PARD3B: variants seen among roughly 807,000 people sequenced by gnomAD.
PARD3B encodes the protein par-3 family cell polarity regulator beta.
PARD3B carries 103 observed loss-of-function variants against 130.2 expected under a neutral mutation model. The ratio of observed to expected loss-of-function variants is 0.79; its 90% CI spans 0.67 to 0.93. The LOEUF is 0.93. PARD3B is among the 40% of genes least tolerant of loss of function. PARD3B has a pLI of 0.00. For missense variants in PARD3B, 1,609 were observed against 1,499.2 expected (o/e 1.07, Z -1.21); for synonymous variants, 583 against 553.2 (o/e 1.05, Z -0.76).
rs2036515494 is a variant in PARD3B at position 204,675,956 on chromosome 2, CCTTT to C, written c.121-10224_121-10221del. Among the ~76,000 whole-genome samples the C allele has an allele frequency of 6.6e-6, 1 of 151,518 alleles. No homozygotes were observed. Among genetic ancestry groups the C allele is most frequent in the Non-Finnish European group, 1.5e-5 (1 of 67,984 alleles). On this transcript the variant is annotated intron_variant, in intron 1 of 22. Transcript: ENST00000406610. This position sits in a 1 kb window ranked among gnomAD's most constrained non-coding sequence, Gnocchi z 4.4. Reference sequence around the variant, plus strand: ...TATTAATACCTTTTCTATGGCTTAACCTTTGTTAAGCCATACTGGTTTATACATA... The same window carrying C: ...TATTAATACCTTTTCTATGGCTTAACGTTAAGCCATACTGGTTTATACATA...
intron 20 of PARD3B, among the ~76,000 whole-genome samples, chr2:205,462,666 C>T (rs192828067): frequency 1.2e-4 from 19 of 152,206 alleles, no homozygotes; most frequent in South Asian, 8.3e-4. Context: ...ACATGATTTT[C>T]GTTGTGATTT....
chr2:204,999,776 T>A (rs989724893), intron 3 of PARD3B, among the ~76,000 whole-genome samples: 1 of 152,222 alleles, frequency 6.6e-6, no homozygotes, highest in Non-Finnish European at 1.5e-5. Context: ...TTTACTTCAG[T>A]GAATTCAATC....
At chr2:204,965,434 G>T in intron 3 of PARD3B, 111 bp downstream of exon 3, 1 of 1,164,180 alleles carries the variant, frequency 8.6e-7, no homozygotes, top group Non-Finnish European at 1.2e-6. Flanking sequence ...TTTATATCGT[G>T]GTTTATCTTT....
chr2:204,842,983 T>C (rs1041657742), intron 2 of PARD3B, among the ~76,000 whole-genome samples: 1 of 152,086 alleles, frequency 6.6e-6, no homozygotes, highest in Non-Finnish European at 1.5e-5. Context: ...GTTCTCAAAC[T>C]CCAGGGTTAA....
Position 204,671,940 on chromosome 2 carries a change from C to G in PARD3B, c.121-14241C>G, listed in dbSNP as rs186673398. Among the ~76,000 whole-genome samples, 12 of 152,180 alleles carry G rather than the reference C, an allele frequency of 7.9e-5. No individual in the cohort carries two copies. The South Asian group carries it at 2.5e-3, about 32-fold the overall frequency. ...TAATATAATCGTCGGAAAACTTTTCCTCAACATTTTGATTATTTTTCTATA... is the reference window on the plus strand; with the variant it reads ...TAATATAATCGTCGGAAAACTTTTCGTCAACATTTTGATTATTTTTCTATA... On this transcript the variant is annotated intron_variant, in intron 1 of 22. Transcript: ENST00000406610.
In PARD3B at chr2:205,172,282, C is replaced by G. The variant is rs751907573; in HGVS notation, c.1692C>G (p.His564Gln). Residue 564 changes from histidine to glutamine, a missense_variant, in exon 12 of 23, where the codon CAC becomes CAG. By Grantham distance (24) the His-to-Gln change is conservative. Coordinates refer to ENST00000406610, the MANE Select transcript of PARD3B (RefSeq NM_001302769.2). ...NGESLLGKSNHEAMETLRRSM... is the reference protein window; with the variant it reads ...NGESLLGKSNQEAMETLRRSM... ...AATCTCTTTTGGGAAAGTCCAACCACGAAGCTATGGAAACACTTAGGCGGT... is the reference window on the plus strand; with the variant it reads ...AATCTCTTTTGGGAAAGTCCAACCAGGAAGCTATGGAAACACTTAGGCGGT... The G allele has an allele frequency of 2.5e-6, 4 of 1,613,908 alleles. No individual in the cohort carries two copies. The highest frequency in any genetic ancestry group is 2.2e-5 in the East Asian group (1 of 44,870).
intron 20 of PARD3B, among the ~76,000 whole-genome samples, chr2:205,490,449 T>C (rs1483540381): frequency 1.3e-5 from 2 of 152,198 alleles, no homozygotes; most frequent in African/African-American, 4.8e-5. Context: ...GAATTCATCA[T>C]TTTTTATGGC....
chr2:204,988,423 A>G (rs146331799), intron 3 of PARD3B, among the ~76,000 whole-genome samples: 130 of 152,318 alleles, frequency 8.5e-4, no homozygotes, highest in African/African-American at 3.1e-3. Flanking sequence ...TAGAATGACT[A>G]TGACACACAA....
intron 1 of PARD3B, among the ~76,000 whole-genome samples, chr2:204,651,144 C>A (rs1017432724): frequency 2.6e-5 from 4 of 152,182 alleles, no homozygotes; most frequent in African/African-American, 9.7e-5. Context: ...AAAACACAAT[C>A]ATGCCTTCCC....
At chr2:205,083,389 T>C (rs1701551081) in intron 4 of PARD3B, among the ~76,000 whole-genome samples, 1 of 151,832 alleles carries the variant, frequency 6.6e-6, no homozygotes, top group South Asian at 2.1e-4. Flanking sequence ...CATCTAGTCT[T>C]AAACTAAGTA....
intron 2 of PARD3B, among the ~76,000 whole-genome samples, chr2:204,693,277 G>T (rs1395348306): frequency 2.6e-5 from 4 of 151,894 alleles, no homozygotes; most frequent in African/African-American, 9.7e-5. Context: ...TCAGGCCAAG[G>T]TTACTGTAAT....
At chr2:205,431,595 G>T (rs186513475) in intron 19 of PARD3B, among the ~76,000 whole-genome samples, 299 of 151,330 alleles carry the variant, frequency 2.0e-3, no homozygotes, top group African/African-American at 6.8e-3. Flanking sequence ...TCAGCCTCCC[G>T]AGTAGCTGGG....
chr2:205,567,907 G>C (rs1190678919), intron 22 of PARD3B, among the ~76,000 whole-genome samples: 1 of 152,184 alleles, frequency 6.6e-6, no homozygotes, highest in Middle Eastern at 3.4e-3. Context: ...GGGAAGGAGG[G>C]CTGGGGTCTT....
chr2:205,376,993 C>T (rs1056259794), intron 18 of PARD3B, among the ~76,000 whole-genome samples: 1 of 152,010 alleles, frequency 6.6e-6, no homozygotes, highest in Non-Finnish European at 1.5e-5. Context: ...GCCTCCAAGC[C>T]CAGAGATGAT....
intron 22 of PARD3B, among the ~76,000 whole-genome samples, chr2:205,561,355 T>TGAGCACAATA (rs2053128937): frequency 6.6e-6 from 1 of 152,166 alleles, no homozygotes; most frequent in African/African-American, 2.4e-5. Context: ...ATCTAGATAG[T>TGAGCACAATA]AATCCAAAGA....
chr2:204,728,033 A>G (rs1204393632), intron 2 of PARD3B, among the ~76,000 whole-genome samples: 1 of 152,162 alleles, frequency 6.6e-6, no homozygotes, highest in Non-Finnish European at 1.5e-5. Flanking sequence ...GTTTCTGTTT[A>G]GCCCTTAGGG....
intron 1 of PARD3B, among the ~76,000 whole-genome samples, chr2:204,567,676 G>C (rs1434478688): frequency 6.6e-6 from 1 of 152,186 alleles, no homozygotes; most frequent in Non-Finnish European, 1.5e-5. Flanking sequence ...GTGAACATGA[G>C]TGTACAAGTG....
intron 4 of PARD3B, among the ~76,000 whole-genome samples, chr2:205,088,947 C>T (rs10755021): frequency 0.39 from 58,510 of 150,596 alleles, 12,074 homozygotes; most frequent in East Asian, 0.56. Context: ...TACAGGTGCC[C>T]GCCACCACAC....
intron 3 of PARD3B, among the ~76,000 whole-genome samples, chr2:205,022,256 A>T (rs1251955148): frequency 6.6e-6 from 1 of 152,326 alleles, no homozygotes; most frequent in East Asian, 1.9e-4. Context: ...TTCTCTAATC[A>T]TTCCAATTTA....
Sources: gnomAD v4.1 joint callset for allele counts (sites outside exome capture counted in the v4.1 genomes callset) on GRCh38, gnomAD v4.1.1 for gene constraint, Gnocchi (gnomAD v3.1) non-coding constraint, MANE v1.5 for transcripts, NCBI Gene and HGNC (gene_info 2026-07-23, HGNC 2026-07-21) for gene names.